NMT1: variants seen among roughly 807,000 people sequenced by gnomAD.
NMT1 encodes the protein glycylpeptide N-tetradecanoyltransferase 1.
NMT1 carries 12 observed loss-of-function variants against 63.4 expected under a neutral mutation model. That is an observed-to-expected ratio of 0.19 (90% CI 0.12 to 0.31). The LOEUF (loss-of-function observed/expected upper bound fraction) is 0.31, where lower values mean the gene tolerates loss of function less well. Among genes scored for constraint, NMT1 ranks in the 10% least tolerant of loss-of-function variants. The probability of loss-of-function intolerance (pLI) is 1.00; values close to 1 mark genes in which losing one functional copy is unlikely to be tolerated. For synonymous variants in NMT1, 228 were observed against 234.3 expected (o/e 0.97, Z 0.25); for missense variants, 432 against 634.6 (o/e 0.68, Z 3.43).
intron 1 of NMT1, among the ~76,000 whole-genome samples, chr17:45,069,414 C>G (rs914504009): frequency 1.3e-5 from 2 of 151,804 alleles, no homozygotes; most frequent in African/African-American, 4.8e-5. Flanking sequence ...GCCTCAGCCT[C>G]CTGGATAGCT....
Position 45,104,594 on chromosome 17 carries a change from G to C in NMT1, c.1333-265G>C. On this transcript the variant is annotated intron_variant, in intron 10 of 11. Transcript: ENST00000258960. This position sits in a 1 kb window ranked among gnomAD's most constrained non-coding sequence, Gnocchi z 4.2. ...TAGAGTTTCAGGGAGGCATAACCAG[G>C]AATAGCAAGAGCCCCGGCCTGGACA... The C allele has an allele frequency of 8.0e-7, 1 of 1,253,668 alleles. No homozygotes were observed. Among genetic ancestry groups the C allele is most frequent in the Non-Finnish European group, 1.0e-6 (1 of 993,428 alleles). 77.7% of individuals were successfully genotyped at this position (1,253,668 alleles called of 1,614,324 possible). A position where few individuals can be genotyped will look rare whatever the true frequency, so the allele number is the denominator to read the frequency against.
At chr17:45,067,663 C>G (rs919390783) in intron 1 of NMT1, among the ~76,000 whole-genome samples, 3 of 151,970 alleles carry the variant, frequency 2.0e-5, no homozygotes, top group African/African-American at 7.2e-5. Flanking sequence ...TTTTTAGTTC[C>G]TTTTTAATTT....
intron 6 of NMT1, among the ~76,000 whole-genome samples, chr17:45,097,516 G>GTT (rs1009662498): frequency 1.3e-5 from 2 of 151,912 alleles, no homozygotes; most frequent in African/African-American, 4.8e-5. Flanking sequence ...TTTTGTTTTT[G>GTT]TTTATTATTT....
intron 1 of NMT1, chr17:45,071,352 C>G (rs1224806254): frequency 2.0e-5 from 3 of 152,106 alleles, no homozygotes; most frequent in Non-Finnish European, 4.4e-5. Context: ...ATTTTTTTGT[C>G]TGTGTGTGTA....
At chr17:45,090,287 GAT>G (rs1323138599) in intron 3 of NMT1, among the ~76,000 whole-genome samples, 1 of 151,978 alleles carries the variant, frequency 6.6e-6, no homozygotes, top group African/African-American at 2.4e-5. Flanking sequence ...CTGTCTCAAA[GAT>G]TAAAAAATAA....
At position 45,086,497 on chromosome 17, in the gene NMT1, G is replaced by C; in HGVS notation, c.241-11G>C. ...ATGGGCCTTTTTTCTCCCCAACTTT[G>C]TCTTGTCCAGATGAACTCTTTGCCA... On this transcript the variant is annotated splice_polypyrimidine_tract_variant and intron_variant, in intron 2 of 11. Transcript: ENST00000258960. 6.3e-7 allele frequency: 1 copy of C among 1,598,938 alleles called. No individual in the cohort carries two copies. Among genetic ancestry groups the C allele is most frequent in the Non-Finnish European group, 8.5e-7 (1 of 1,175,040 alleles).
Position 45,105,786 on chromosome 17 carries a change from C to A in NMT1, c.*147C>A. The A allele has an allele frequency of 1.4e-6, 1 of 732,980 alleles. No homozygotes were observed. The highest frequency in any genetic ancestry group is 2.2e-6 in the Non-Finnish European group (1 of 450,358). 45.4% of individuals were successfully genotyped at this position (732,980 alleles called of 1,614,324 possible). A position where few individuals can be genotyped will look rare whatever the true frequency, so the allele number is the denominator to read the frequency against. Reference sequence around the variant, plus strand: ...CCGGCTTTACCAAACCGCCAGCGAACTTGACAATTGTATTGCGATGGCGTG... The same window carrying A: ...CCGGCTTTACCAAACCGCCAGCGAAATTGACAATTGTATTGCGATGGCGTG... On this transcript the variant is annotated 3_prime_UTR_variant, in exon 12 of 12. Coordinates refer to ENST00000258960, the MANE Select transcript of NMT1 (RefSeq NM_021079.5). This position sits in a 1 kb window ranked among gnomAD's most constrained non-coding sequence, Gnocchi z 4.2.
chr17:45,086,519 G>T lies in NMT1; in HGVS notation c.252G>T (p.Leu84Phe), dbSNP rs1018863986. The T allele has an allele frequency of 3.1e-6, 5 of 1,609,448 alleles. No homozygotes were observed. The highest frequency in any genetic ancestry group is 3.4e-6 in the Non-Finnish European group (4 of 1,178,378). Reference sequence around the variant, plus strand: ...TTTGTCTTGTCCAGATGAACTCTTTGCCAGCAGAGAGGATCCAGGAAATAC... The same window carrying T: ...TTTGTCTTGTCCAGATGAACTCTTTTCCAGCAGAGAGGATCCAGGAAATAC... ...AQDQPVKMNS[L>F]PAERIQEIQK... The change falls in exon 3 of 12, where the codon TTG (leucine) becomes TTT (phenylalanine). Residue 84 changes from leucine to phenylalanine, a missense_variant. By Grantham distance (22) the Leu-to-Phe change is conservative. This residue lies in a region of NMT1 where 295 missense variants were observed against 489.7 expected (regional missense o/e 0.60). Transcript: ENST00000258960.
chr17:45,069,448 C>T (rs1221885852), intron 1 of NMT1, among the ~76,000 whole-genome samples: 1 of 150,450 alleles, frequency 6.6e-6, no homozygotes, highest in East Asian at 2.0e-4. Context: ...CATGCCACCA[C>T]GCCCAGCTGA....
In NMT1 at chr17:45,104,629, T is replaced by G; in HGVS notation, c.1333-230T>G. 1.4e-6 allele frequency: 2 copies of G among 1,379,466 alleles called. No homozygotes were observed. Among genetic ancestry groups the G allele is most frequent in the Non-Finnish European group, 1.9e-6 (2 of 1,065,284 alleles). 85.5% of individuals were successfully genotyped at this position (1,379,466 alleles called of 1,614,324 possible). A position where few individuals can be genotyped will look rare whatever the true frequency, so the allele number is the denominator to read the frequency against. On this transcript the variant is annotated intron_variant, in intron 10 of 11. Transcript: ENST00000258960. This position sits in a 1 kb window ranked among gnomAD's most constrained non-coding sequence, Gnocchi z 4.2. Reference sequence around the variant, plus strand: ...AGCCCCGGCCTGGACACTGAGTACATATGTGTACACTCTGAGGGACACTGG... The same window carrying G: ...AGCCCCGGCCTGGACACTGAGTACAGATGTGTACACTCTGAGGGACACTGG...
intron 2 of NMT1, among the ~76,000 whole-genome samples, chr17:45,082,877 C>T (rs1345602994): frequency 2.6e-5 from 4 of 151,380 alleles, no homozygotes; most frequent in Non-Finnish European, 5.9e-5. Flanking sequence ...ATTAGTTGGG[C>T]GTGGTGGCAG....
chr17:45,068,630 A>G (rs1047679431), intron 1 of NMT1, among the ~76,000 whole-genome samples: 3 of 152,182 alleles, frequency 2.0e-5, no homozygotes, highest in East Asian at 1.9e-4. Context: ...GATTTCACTT[A>G]TGAAGACTTT....
At chr17:45,096,397 A>C in intron 5 of NMT1, 112 bp downstream of exon 5, 1 of 805,524 alleles carries the variant, frequency 1.2e-6, no homozygotes, top group Non-Finnish European at 2.2e-6. Context: ...ATGGCAAATT[A>C]GTGTGTCATT....
chr17:45,084,714 C>T (rs1411881828), intron 2 of NMT1, among the ~76,000 whole-genome samples: 3 of 151,100 alleles, frequency 2.0e-5, no homozygotes, highest in East Asian at 3.9e-4. Flanking sequence ...GCAGTCCTCC[C>T]GCCTCAGCCT....
intron 1 of NMT1, among the ~76,000 whole-genome samples, chr17:45,068,423 G>C (rs1331117147): frequency 6.6e-6 from 1 of 152,180 alleles, no homozygotes; most frequent in African/African-American, 2.4e-5. Flanking sequence ...AGTGAGCCCA[G>C]ATGGCGCCAT....
At position 45,107,873 on chromosome 17, in the gene NMT1, G is replaced by A. The variant is rs910710077; in HGVS notation, c.*2234G>A. ...AGCATCTCCCTCACTGAAACCAGGT[G>A]GCCGGCTCCTCGGACTCTGCTTTAT... On this transcript the variant is annotated 3_prime_UTR_variant, in exon 12 of 12. Transcript: ENST00000258960. 6.6e-6 allele frequency: 1 copy of A among 152,348 alleles called. No individual in the cohort carries two copies. Among genetic ancestry groups the A allele is most frequent in the Admixed American group, 6.5e-5 (1 of 15,282 alleles). 9.4% of individuals were successfully genotyped at this position (152,348 alleles called of 1,614,324 possible).
intron 1 of NMT1, among the ~76,000 whole-genome samples, chr17:45,064,811 A>G (rs549964988): frequency 6.6e-6 from 1 of 152,332 alleles, no homozygotes; most frequent in African/African-American, 2.4e-5. Context: ...CGACAGAGCA[A>G]GCCTCTGATC....
chr17:45,096,826 A>C lies in NMT1; in HGVS notation c.597-302A>C, dbSNP rs535848190. ...CAACCATGGGACCCACTGGCCTCCG[A>C]ACCAAAGATGCCAGTACCTTGGTTC... On this transcript the variant is annotated intron_variant, in intron 5 of 11. Transcript: ENST00000258960. Among the ~76,000 whole-genome samples, 3 of 152,358 alleles carry C rather than the reference A, an allele frequency of 2.0e-5. No homozygotes were observed. The East Asian group carries it at 5.8e-4, about 29-fold the overall frequency.
chr17:45,105,071 G>A lies in NMT1; in HGVS notation c.1470+75G>A, dbSNP rs1321309577. 6.3e-7 allele frequency: 1 copy of A among 1,589,120 alleles called. No homozygotes were observed. On this transcript the variant is annotated intron_variant, in intron 11 of 11. Transcript: ENST00000258960. The surrounding 1 kb of genome is among the most constrained non-coding windows in gnomAD (Gnocchi z 4.2). The stretch of plus-strand genomic sequence containing the variant: ...GTCTCCAGCAGAAACCGGGCCATGG[G>A]TTGAGGAGACAGCCGCAGTCTGGGT...
Sources: allele counts gnomAD v4.1 joint callset (sites outside exome capture counted in the v4.1 genomes callset), GRCh38; gene constraint gnomAD v4.1.1; regional missense constraint gnomAD v4.1.1; non-coding constraint Gnocchi (gnomAD v3.1); transcripts MANE v1.5; gene names NCBI Gene and HGNC (gene_info 2026-07-23, HGNC 2026-07-21).